MPRIP: variants seen among roughly 807,000 people sequenced by gnomAD.
MPRIP encodes myosin phosphatase Rho interacting protein, also known as myosin phosphatase Rho-interacting protein.
In MPRIP, 59 loss-of-function variants were observed where a neutral mutation model predicts 234.9. That is an observed-to-expected ratio of 0.25 (90% confidence interval 0.20 to 0.31). The LOEUF is 0.31. Among genes scored for constraint, MPRIP ranks in the 10% least tolerant of loss-of-function variants. MPRIP has a pLI of 1.00. For synonymous variants in MPRIP, 1,144 were observed against 1,263.9 expected, an observed-to-expected ratio of 0.91 and a Z score of 2.01; for missense variants, 2,436 against 3,071.0, an observed-to-expected ratio of 0.79 and a Z score of 4.89.
At chr17:17,103,892 T>A (rs2144236155) in intron 3 of MPRIP, among the ~76,000 whole-genome samples, 1 of 152,338 alleles carries the variant, frequency 6.6e-6, no homozygotes, top group Middle Eastern at 3.4e-3. Context: ...AGCCTCTTTG[T>A]TCCTTTTTAG....
intron 3 of MPRIP, among the ~76,000 whole-genome samples, chr17:17,122,203 A>G (rs911437096): frequency 2.0e-5 from 3 of 152,132 alleles, no homozygotes; most frequent in Admixed American, 2.0e-4. Flanking sequence ...TGGTATTTCT[A>G]TCTTTAGGTC....
chr17:17,042,808 C>A lies in MPRIP; in HGVS notation c.-41C>A. On this transcript the variant is annotated 5_prime_UTR_variant, in exon 1 of 24. Coordinates refer to ENST00000651222, the MANE Select transcript of MPRIP (RefSeq NM_001364716.4). ...CGCCGGGAGCGCCAGGCCGGCCAGG[C>A]CTGCGCCGCCGCCGCCGCCGCCGTC... The A allele has an allele frequency of 1.5e-6, 2 of 1,325,650 alleles. No homozygotes were observed. The highest frequency in any genetic ancestry group is 2.0e-6 in the Non-Finnish European group (2 of 1,014,832). The allele number at this position is 1,325,650 out of a possible 1,614,324, so 82.1% of individuals were successfully genotyped here. A position where few individuals can be genotyped will look rare whatever the true frequency, so the allele number is the denominator to read the frequency against.
Position 17,099,984 on chromosome 17 carries a change from C to G in MPRIP, c.267+21908C>G, listed in dbSNP as rs117002666. Among the ~76,000 whole-genome samples, 301 of 152,296 alleles carry G rather than the reference C, an allele frequency of 2.0e-3. 6 individuals carry two copies. The East Asian group carries it at 0.048, about 24-fold the overall frequency. On this transcript the variant is annotated intron_variant, in intron 3 of 23. Coordinates refer to ENST00000651222, the MANE Select transcript of MPRIP (RefSeq NM_001364716.4). ...GATGGGACATCTCCACCTGATGTCA[C>G]TCGTGGCAGGCAAGGGGACACTTAT...
intron 1 of MPRIP, among the ~76,000 whole-genome samples, chr17:17,075,071 C>T (rs944133367): frequency 2.0e-5 from 3 of 152,142 alleles, no homozygotes; most frequent in African/African-American, 7.2e-5. Flanking sequence ...CAGACTTTTC[C>T]AAGGTGGCAG....
intron 1 of MPRIP, among the ~76,000 whole-genome samples, chr17:17,052,528 C>G (rs1374156542): frequency 6.6e-6 from 1 of 152,150 alleles, no homozygotes; most frequent in Non-Finnish European, 1.5e-5. Context: ...CTGCCTAGGT[C>G]ACAGGAAGTC....
chr17:17,147,263 C>A, intron 10 of MPRIP, 56 bp from the exon 11 acceptor site: 1 of 1,549,826 alleles, frequency 6.5e-7, no homozygotes. Context: ...CGTGGCGTGG[C>A]AGGCATGCTG....
chr17:17,116,244 A>G (rs891830328), intron 3 of MPRIP, among the ~76,000 whole-genome samples: 5 of 152,174 alleles, frequency 3.3e-5, no homozygotes, highest in Non-Finnish European at 5.9e-5. Flanking sequence ...TGGATGGGCC[A>G]TGGCCTCTGC....
At chr17:17,180,989 G>C (rs2046363174) in intron 23 of MPRIP, among the ~76,000 whole-genome samples, 1 of 152,210 alleles carries the variant, frequency 6.6e-6, no homozygotes, top group Admixed American at 6.5e-5. Context: ...CTGTCACGAG[G>C]TGGAATTTAC....
chr17:17,188,773 G>A lies in MPRIP; in HGVS notation c.*3879G>A, dbSNP rs2046527164. 1 of 152,296 alleles carries A rather than the reference G, an allele frequency of 6.6e-6. No individual in the cohort carries two copies. The highest frequency in any genetic ancestry group is 2.1e-4 in the South Asian group (1 of 4,836). 9.4% of individuals were successfully genotyped at this position (152,296 alleles called of 1,614,324 possible). On this transcript the variant is annotated 3_prime_UTR_variant, in exon 24 of 24. Coordinates refer to ENST00000651222, the MANE Select transcript of MPRIP (RefSeq NM_001364716.4). ...CTGGGAGGCTGCCGGGTGCCACGGAGCTGGGACACAGCAGAGCCCGCTAGG... is the reference window on the plus strand; with the variant it reads ...CTGGGAGGCTGCCGGGTGCCACGGAACTGGGACACAGCAGAGCCCGCTAGG...
At chr17:17,183,834 T>G (rs923121821) in intron 23 of MPRIP, among the ~76,000 whole-genome samples, 5 of 152,192 alleles carry the variant, frequency 3.3e-5, no homozygotes, top group Non-Finnish European at 5.9e-5. Flanking sequence ...CTCAGGTTTT[T>G]GGTTGAAACT....
chr17:17,063,817 A>G (rs930799890), intron 1 of MPRIP, among the ~76,000 whole-genome samples: 8 of 152,172 alleles, frequency 5.3e-5, no homozygotes, highest in Non-Finnish European at 5.9e-5. Flanking sequence ...GTGTCCAGAG[A>G]CCTGTGCACG....
At chr17:17,071,149 G>T (rs776467788) in intron 1 of MPRIP, among the ~76,000 whole-genome samples, 1 of 152,206 alleles carries the variant, frequency 6.6e-6, no homozygotes, top group South Asian at 2.1e-4. Flanking sequence ...CCTGGCCGGG[G>T]TGTGGGGCAC....
At chr17:17,102,030 A>G (rs1216594375) in intron 3 of MPRIP, among the ~76,000 whole-genome samples, 1 of 151,612 alleles carries the variant, frequency 6.6e-6, no homozygotes, top group Non-Finnish European at 1.5e-5. Flanking sequence ...TTCCTTTCCT[A>G]TCTTCATTTT....
chr17:17,176,028 G>A (rs575290061), intron 20 of MPRIP, among the ~76,000 whole-genome samples: 82 of 152,320 alleles, frequency 5.4e-4, no homozygotes, highest in Non-Finnish European at 9.6e-4. Flanking sequence ...GTGTTGGGCC[G>A]CTGTCTGCTG....
At chr17:17,126,476 C>T (rs1273651871) in intron 3 of MPRIP, among the ~76,000 whole-genome samples, 5 of 152,162 alleles carry the variant, frequency 3.3e-5, no homozygotes, top group Non-Finnish European at 5.9e-5. Flanking sequence ...AGTGGGATGT[C>T]GCTCTCCACG....
At chr17:17,054,365 G>T (rs552321781) in intron 1 of MPRIP, among the ~76,000 whole-genome samples, 1 of 152,208 alleles carries the variant, frequency 6.6e-6, no homozygotes, top group African/African-American at 2.4e-5. Flanking sequence ...TGTGATTATC[G>T]TAGACTTGAT....
intron 23 of MPRIP, chr17:17,180,507 C>G (rs2046350257): frequency 9.2e-7 from 1 of 1,088,608 alleles, no homozygotes; most frequent in South Asian, 1.2e-5. Context: ...AGTGTGCTGT[C>G]CAGAGCCAGC....
intron 3 of MPRIP, among the ~76,000 whole-genome samples, chr17:17,123,828 C>G (rs2090441253): frequency 6.6e-6 from 1 of 151,612 alleles, no homozygotes; most frequent in Admixed American, 6.6e-5. Context: ...AGATTGGGCT[C>G]TGGAGTTAAA....
chr17:17,072,323 C>T (rs1213773725), intron 1 of MPRIP, among the ~76,000 whole-genome samples: 1 of 152,142 alleles, frequency 6.6e-6, no homozygotes, highest in Non-Finnish European at 1.5e-5. Context: ...AGGGCACCAC[C>T]CACCCACTGC....
Sources: gnomAD v4.1 joint callset for allele counts (sites outside exome capture counted in the v4.1 genomes callset) on GRCh38, gnomAD v4.1.1 for gene constraint, MANE v1.5 for transcripts, NCBI Gene and HGNC (gene_info 2026-07-23, HGNC 2026-07-21) for gene names.